The following ZBTB16 variants were observed in gnomAD, a reference collection of about 807,000 sequenced individuals.
The protein encoded by ZBTB16 is zinc finger and BTB domain-containing protein 16.
In ZBTB16, 8 loss-of-function variants were observed where a neutral mutation model predicts 56.8. The observed-to-expected ratio is 0.14, with a 90% CI of 0.08 to 0.25. The LOEUF (loss-of-function observed/expected upper bound fraction) is 0.25. Ranked by LOEUF, ZBTB16 falls within the 10% of genes least tolerant of loss-of-function variation. The probability of loss-of-function intolerance (pLI) is 1.00; values close to 1 mark genes in which losing one functional copy is unlikely to be tolerated. For missense variants in ZBTB16, 625 were observed against 903.0 expected, an observed-to-expected ratio of 0.69 and a Z score of 3.95; for synonymous variants, 363 against 368.5, an observed-to-expected ratio of 0.98 and a Z score of 0.17.
intron 4 of ZBTB16, among the ~76,000 whole-genome samples, chr11:114,195,813 C>T (rs1943593788): frequency 1.3e-5 from 2 of 152,164 alleles, no homozygotes; most frequent in African/African-American, 4.8e-5. Flanking sequence ...ATGGATTTCC[C>T]CCACTGGATA....
chr11:114,232,271 C>T (rs529941665), intron 4 of ZBTB16, among the ~76,000 whole-genome samples: 22 of 152,264 alleles, frequency 1.4e-4, no homozygotes, highest in Admixed American at 7.8e-4. Flanking sequence ...CTGATTGTAG[C>T]TTTTGGTTTA....
chr11:114,164,456 C>G (rs889420024), intron 3 of ZBTB16, among the ~76,000 whole-genome samples: 22 of 152,172 alleles, frequency 1.4e-4, no homozygotes, highest in African/African-American at 5.1e-4. Flanking sequence ...TCTCCCTTTC[C>G]TCTCCTTTGC....
chr11:114,139,551 T>TC (rs141922692), intron 2 of ZBTB16, among the ~76,000 whole-genome samples: 1,847 of 150,364 alleles, frequency 0.012, 38 homozygotes, highest in African/African-American at 0.041. Context: ...GGTTTCCTTC[T>TC]CCCCCCCCAA....
chr11:114,130,552 G>A (rs1002323650), intron 2 of ZBTB16, among the ~76,000 whole-genome samples: 2 of 152,212 alleles, frequency 1.3e-5, no homozygotes, highest in Non-Finnish European at 2.9e-5. Flanking sequence ...ATATGTATGA[G>A]CTTTGTATAT....
chr11:114,207,590 A>AACACACACACACACACACACACACAC (rs66489516), intron 4 of ZBTB16, among the ~76,000 whole-genome samples: 1 of 143,626 alleles, frequency 7.0e-6, no homozygotes, highest in Non-Finnish European at 1.5e-5. Context: ...ACACACACAC[A>AACACACACACACACACACACACACAC]ACACACACAC....
At chr11:114,095,250 T>TTTTCTTTTCTTTTTC (rs1940346667) in intron 2 of ZBTB16, among the ~76,000 whole-genome samples, 1 of 57,292 alleles carries the variant, frequency 1.7e-5, no homozygotes, top group Non-Finnish European at 2.7e-5. Flanking sequence ...CTTTTCTTTT[T>TTTTCTTTTCTTTTTC]TTTTTTTTTT....
At chr11:114,111,178 T>TGTGTGTGTGTGTGTGC (rs1247462532) in intron 2 of ZBTB16, among the ~76,000 whole-genome samples, 3 of 151,858 alleles carry the variant, frequency 2.0e-5, no homozygotes, top group African/African-American at 7.3e-5. Flanking sequence ...TGTGTGTGTG[T>TGTGTGTGTGTGTGTGC]GTGCACGCGC....
intron 1 of ZBTB16, among the ~76,000 whole-genome samples, chr11:114,061,150 G>C (rs900517078): frequency 1.4e-5 from 2 of 145,140 alleles, no homozygotes; most frequent in Admixed American, 6.8e-5. Context: ...CTGGGAACTG[G>C]GGGGGTGTGA....
At chr11:114,205,164 C>T (rs1163538214) in intron 4 of ZBTB16, among the ~76,000 whole-genome samples, 1 of 152,052 alleles carries the variant, frequency 6.6e-6, no homozygotes, top group Non-Finnish European at 1.5e-5. Context: ...AATCCCAGCA[C>T]TTTGGGAGGC....
At chr11:114,129,421 C>A (rs148718041) in intron 2 of ZBTB16, among the ~76,000 whole-genome samples, 1 of 152,314 alleles carries the variant, frequency 6.6e-6, no homozygotes, top group African/African-American at 2.4e-5. Context: ...CCTTTGCAGC[C>A]ATGCAGATAT....
At chr11:114,106,472 C>CTT (rs59505866) in intron 2 of ZBTB16, among the ~76,000 whole-genome samples, 7 of 139,656 alleles carry the variant, frequency 5.0e-5, no homozygotes, top group African/African-American at 1.1e-4. Context: ...TCACGATCTT[C>CTT]TTTTTTTTTT....
chr11:114,152,697 C>T (rs1280221354), intron 2 of ZBTB16, among the ~76,000 whole-genome samples: 1 of 152,158 alleles, frequency 6.6e-6, no homozygotes, highest in Non-Finnish European at 1.5e-5. Flanking sequence ...GGGTTACTTT[C>T]AAAATGGTGT....
chr11:114,065,890 A>G (rs1939097083), intron 2 of ZBTB16, among the ~76,000 whole-genome samples: 1 of 152,066 alleles, frequency 6.6e-6, no homozygotes, highest in Admixed American at 6.5e-5. Flanking sequence ...TATGGAACAG[A>G]GCGTTTTGAA....
intron 4 of ZBTB16, among the ~76,000 whole-genome samples, chr11:114,198,804 C>G (rs1565681288): frequency 6.6e-6 from 1 of 152,220 alleles, no homozygotes; most frequent in Non-Finnish European, 1.5e-5. Flanking sequence ...TGGTGGTGTA[C>G]AGTCTGTGGA....
chr11:114,178,580 C>T (rs1268015046), intron 3 of ZBTB16, among the ~76,000 whole-genome samples: 7 of 152,052 alleles, frequency 4.6e-5, no homozygotes, highest in Non-Finnish European at 1.0e-4. Flanking sequence ...TTGGATTACC[C>T]GCTGGTGCTA....
rs79144054 is a variant in ZBTB16, at chr11:114,185,721, A to G, written c.1367-1231A>G. Among the ~76,000 whole-genome samples, 1,442 of 152,280 alleles carry G rather than the reference A, an allele frequency of 9.5e-3. 16 individuals carry two copies. The highest frequency in any genetic ancestry group is 0.033 in the African/African-American group (1,368 of 41,536). ...TCACTGCACCCAACGCAGTGGAAGA[A>G]TGCATCTACCAGACATCTTGAAGGA... On this transcript the variant is annotated intron_variant, in intron 3 of 6. Transcript: ENST00000335953.
chr11:114,157,555 G>A (rs1365356195), intron 3 of ZBTB16, among the ~76,000 whole-genome samples: 4 of 152,196 alleles, frequency 2.6e-5, no homozygotes, highest in East Asian at 1.9e-4. Context: ...GTCCCCATCC[G>A]CTCGTTCCCT....
chr11:114,240,380 C>G (rs150924568), intron 4 of ZBTB16, among the ~76,000 whole-genome samples: 1 of 152,152 alleles, frequency 6.6e-6, no homozygotes, highest in Non-Finnish European at 1.5e-5. Context: ...TTCTCTTCCC[C>G]CTACCTTCCA....
intron 2 of ZBTB16, among the ~76,000 whole-genome samples, chr11:114,087,450 G>A (rs957527425): frequency 3.9e-5 from 6 of 152,212 alleles, no homozygotes; most frequent in African/African-American, 1.2e-4. Context: ...CCTTCCTCTC[G>A]AATCGTCTCC....
Sources: gnomAD v4.1 joint callset for allele counts (sites outside exome capture counted in the v4.1 genomes callset) on GRCh38, gnomAD v4.1.1 for gene constraint, MANE v1.5 for transcripts, NCBI Gene and HGNC (gene_info 2026-07-23, HGNC 2026-07-21) for gene names.